ITGBL1: variants seen among roughly 807,000 people sequenced by gnomAD.
The protein encoded by ITGBL1 is integrin beta-like protein 1.
A neutral mutation model predicts 68.5 loss-of-function variants in ITGBL1; 51 were observed. The ratio of observed to expected loss-of-function variants is 0.74; its 90% CI spans 0.59 to 0.94. The LOEUF (loss-of-function observed/expected upper bound fraction) is 0.94, where lower values mean the gene tolerates loss of function less well. Among genes scored for constraint, ITGBL1 ranks in the 40% least tolerant of loss-of-function variants. The probability of loss-of-function intolerance (pLI) is 0.00; values close to 1 mark genes in which losing one functional copy is unlikely to be tolerated. For synonymous variants in ITGBL1, 209 were observed against 227.3 expected (o/e 0.92, Z 0.72); for missense variants, 649 against 647.4 (o/e 1.00, Z -0.03).
chr13:101,589,208 G>A (rs1360445692), intron 6 of ITGBL1, among the ~76,000 whole-genome samples: 3 of 152,092 alleles, frequency 2.0e-5, no homozygotes, highest in African/African-American at 4.8e-5. Flanking sequence ...TACCATTGTC[G>A]ATACTATTTT....
chr13:101,599,935 C>T (rs2030249272), intron 7 of ITGBL1, among the ~76,000 whole-genome samples: 1 of 152,022 alleles, frequency 6.6e-6, no homozygotes, highest in African/African-American at 2.4e-5. Flanking sequence ...TTTTTGGTTC[C>T]ATATGAACTT....
intron 7 of ITGBL1, among the ~76,000 whole-genome samples, chr13:101,612,809 CT>C (rs2031195142): frequency 6.6e-6 from 1 of 152,128 alleles, no homozygotes; most frequent in African/African-American, 2.4e-5. Context: ...ATCAGTGATA[CT>C]CTCCTCTTCA....
At chr13:101,683,113 G>T (rs2033680314) in intron 7 of ITGBL1, among the ~76,000 whole-genome samples, 1 of 152,000 alleles carries the variant, frequency 6.6e-6, no homozygotes, top group South Asian at 2.1e-4. Flanking sequence ...ATCATATAAA[G>T]TAATCACATG....
chr13:101,458,026 T>C (rs781319806), intron 2 of ITGBL1, among the ~76,000 whole-genome samples: 1 of 152,194 alleles, frequency 6.6e-6, no homozygotes, highest in Non-Finnish European at 1.5e-5. Flanking sequence ...GAAGAGCTAA[T>C]TGAATTCAAT....
chr13:101,639,992 C>T (rs2032309386), intron 7 of ITGBL1, among the ~76,000 whole-genome samples: 1 of 152,146 alleles, frequency 6.6e-6, no homozygotes, highest in Non-Finnish European at 1.5e-5. Context: ...AGCATGTGGA[C>T]CCATCATTCT....
chr13:101,640,678 G>A (rs557595278), intron 7 of ITGBL1, among the ~76,000 whole-genome samples: 2 of 151,976 alleles, frequency 1.3e-5, no homozygotes, highest in Non-Finnish European at 2.9e-5. Context: ...TGTTACATGG[G>A]TACACTGTGT....
At chr13:101,720,068 T>C (rs955757158), downstream of ITGBL1, 3 of 152,176 alleles carry the variant, frequency 2.0e-5, no homozygotes, top group African/African-American at 7.2e-5. Context: ...TTCATATAAA[T>C]ATTTTATTCA....
At chr13:101,704,560 T>C (rs1366304607) in intron 8 of ITGBL1, among the ~76,000 whole-genome samples, 1 of 151,352 alleles carries the variant, frequency 6.6e-6, no homozygotes, top group African/African-American at 2.4e-5. Context: ...GAGAATTTTG[T>C]GGCATGCCAA....
At position 101,579,273 on chromosome 13, in the gene ITGBL1, C is replaced by A; in HGVS notation, c.587-14C>A. On this transcript the variant is annotated splice_polypyrimidine_tract_variant and intron_variant, in intron 4 of 10. Coordinates refer to ENST00000376180, the MANE Select transcript of ITGBL1 (RefSeq NM_004791.3). ...GCTTTTTTCCTCACTGTATAAAATT[C>A]ATTTTGGGTAAAGGCCATGGGAAGT... 5 of 1,609,984 alleles carry A rather than the reference C, an allele frequency of 3.1e-6. No homozygotes were observed. In the South Asian group the frequency reaches 5.5e-5, roughly 18 times the overall value.
intron 4 of ITGBL1, among the ~76,000 whole-genome samples, chr13:101,578,666 C>G (rs940389675): frequency 6.6e-6 from 1 of 152,164 alleles, no homozygotes; most frequent in African/African-American, 2.4e-5. Context: ...ATTTGTATCC[C>G]CTTGACAAGT....
chr13:101,684,214 A>T (rs1011050857), intron 7 of ITGBL1, among the ~76,000 whole-genome samples: 9 of 151,914 alleles, frequency 5.9e-5, no homozygotes, highest in Non-Finnish European at 1.2e-4. Context: ...ATTCTATTCT[A>T]CTTGGTCTCC....
intron 2 of ITGBL1, among the ~76,000 whole-genome samples, chr13:101,495,732 C>CT (rs1413947779): frequency 1.3e-5 from 2 of 151,982 alleles, no homozygotes; most frequent in African/African-American, 4.8e-5. Flanking sequence ...AAGGGGGGGT[C>CT]TTTAGTTGGA....
chr13:101,706,241 C>T (rs1329400852), intron 8 of ITGBL1, among the ~76,000 whole-genome samples: 6 of 152,140 alleles, frequency 3.9e-5, no homozygotes, highest in Admixed American at 6.5e-5. Flanking sequence ...CCATTACTTC[C>T]ACTTGTATCT....
At chr13:101,623,056 A>G (rs1318042800) in intron 7 of ITGBL1, among the ~76,000 whole-genome samples, 2 of 152,112 alleles carry the variant, frequency 1.3e-5, no homozygotes, top group Non-Finnish European at 1.5e-5. Flanking sequence ...GCAGATAAAC[A>G]ATTTGAATTC....
At chr13:101,682,789 T>A (rs2139531072) in intron 7 of ITGBL1, among the ~76,000 whole-genome samples, 1 of 152,210 alleles carries the variant, frequency 6.6e-6, no homozygotes, top group South Asian at 2.1e-4. Context: ...TTCATTGCTC[T>A]ATAGAAATTG....
At chr13:101,655,008 G>A (rs9518475) in intron 7 of ITGBL1, among the ~76,000 whole-genome samples, 65,363 of 152,022 alleles carry the variant, frequency 0.43, 14,686 homozygotes, top group Admixed American at 0.54. Flanking sequence ...ACATTAGGAA[G>A]GGAGTGCAGA....
intron 2 of ITGBL1, among the ~76,000 whole-genome samples, chr13:101,457,015 G>A (rs948982348): frequency 2.0e-5 from 3 of 152,166 alleles, no homozygotes; most frequent in Non-Finnish European, 2.9e-5. Context: ...TAAACATTCT[G>A]AGCCTTGATT....
chr13:101,663,626 T>C (rs1459718001), intron 7 of ITGBL1, among the ~76,000 whole-genome samples: 1 of 152,180 alleles, frequency 6.6e-6, no homozygotes, highest in South Asian at 2.1e-4. Context: ...TAATGTTCCA[T>C]TTGACTGTCA....
intron 7 of ITGBL1, among the ~76,000 whole-genome samples, chr13:101,656,291 A>G (rs905196973): frequency 1.3e-5 from 2 of 152,170 alleles, no homozygotes; most frequent in East Asian, 1.9e-4. Flanking sequence ...TCTCTTCAGG[A>G]TTGGGAGAAC....
Sources: gnomAD v4.1 joint callset for allele counts (sites outside exome capture counted in the v4.1 genomes callset) on GRCh38, gnomAD v4.1.1 for gene constraint, MANE v1.5 for transcripts, NCBI Gene and HGNC (gene_info 2026-07-23, HGNC 2026-07-21) for gene names.